LMCD1: variants seen among roughly 807,000 people sequenced by gnomAD.
LMCD1 encodes the protein LIM and cysteine rich domains 1.
LMCD1 carries 32 observed loss-of-function variants against 42.7 expected under a neutral mutation model. That is an observed-to-expected ratio of 0.75 (90% CI 0.57 to 1.01). LMCD1 has a LOEUF of 1.01. Ranked by LOEUF, LMCD1 falls within the 50% of genes least tolerant of loss-of-function variation. LMCD1 has a pLI of 0.00. For missense variants in LMCD1, 458 were observed against 483.1 expected, an observed-to-expected ratio of 0.95 and a Z score of 0.49; for synonymous variants, 178 against 184.9, an observed-to-expected ratio of 0.96 and a Z score of 0.30.
At chr3:8,510,914 GGCATTAGCA>G (rs1480176291) in intron 1 of LMCD1, among the ~76,000 whole-genome samples, 1 of 152,198 alleles carries the variant, frequency 6.6e-6, no homozygotes, top group Non-Finnish European at 1.5e-5. Context: ...ATCAAGCTGA[GGCATTAGCA>G]GCATTACACG....
At chr3:8,538,837 C>T (rs574295177) in intron 3 of LMCD1, among the ~76,000 whole-genome samples, 25 of 152,324 alleles carry the variant, frequency 1.6e-4, no homozygotes, top group Middle Eastern at 3.4e-3. Context: ...GCACCCAGGA[C>T]GGTGCAGGGT....
At chr3:8,518,242 A>T (rs962610622) in intron 1 of LMCD1, among the ~76,000 whole-genome samples, 2 of 152,228 alleles carry the variant, frequency 1.3e-5, no homozygotes, top group Non-Finnish European at 2.9e-5. Context: ...CCCAGACCAG[A>T]AATGCCATGG....
chr3:8,525,408 G>A (rs549098323), intron 1 of LMCD1, among the ~76,000 whole-genome samples: 1 of 152,134 alleles, frequency 6.6e-6, no homozygotes, highest in Admixed American at 6.5e-5. Context: ...TTGTGTGTGT[G>A]TGTGTTTGTG....
Position 8,567,508 on chromosome 3 carries a change from G to C in LMCD1, c.1008G>C (p.Glu336Asp), listed in dbSNP as rs772582149. 2.3e-5 allele frequency: 37 copies of C among 1,613,818 alleles called. No homozygotes were observed. The highest frequency in any genetic ancestry group is 3.1e-5 in the Non-Finnish European group (36 of 1,180,012). The change falls in exon 6 of 6, where the codon GAG (glutamate) becomes GAC (aspartate). Residue 336 changes from glutamate (E) to aspartate (D), a missense_variant. Physicochemically the swap from Glu to Asp is conservative, Grantham distance 45. Transcript: ENST00000157600. ...GGCACCGAAAGCACTTTGTCTGTGA[G>C]GGTTGTGAGCAGCTGCTGAGCGGCC... is the stretch of plus-strand genomic sequence containing the variant. ...LAWHRKHFVC[E>D]GCEQLLSGRA... is the part of the protein sequence containing the mutation.
At chr3:8,525,803 C>T (rs1476744808) in intron 1 of LMCD1, among the ~76,000 whole-genome samples, 2 of 152,158 alleles carry the variant, frequency 1.3e-5, no homozygotes, top group East Asian at 3.8e-4. Flanking sequence ...CTTGTCTGAA[C>T]ATTGGCATCC....
At chr3:8,534,690 T>C (rs1474882719) in intron 2 of LMCD1, among the ~76,000 whole-genome samples, 1 of 152,186 alleles carries the variant, frequency 6.6e-6, no homozygotes, top group African/African-American at 2.4e-5. Context: ...CAACTAATCA[T>C]CACAGGACAG....
intron 2 of LMCD1, 108 bp from the exon 3 acceptor site, chr3:8,537,077 C>G: frequency 7.6e-7 from 1 of 1,310,322 alleles, no homozygotes; most frequent in Non-Finnish European, 1.0e-6. Flanking sequence ...CTAGTTTTTC[C>G]AACTTAAAGT....
At position 8,568,673 on chromosome 3, in the gene LMCD1, C is replaced by G. The variant is rs988291584; in HGVS notation, c.*1075C>G. 2.0e-5 allele frequency: 3 copies of G among 152,168 alleles called. No homozygotes were observed. The highest frequency in any genetic ancestry group is 7.2e-5 in the African/African-American group (3 of 41,436). The allele number at this position is 152,168 out of a possible 1,614,324, so 9.4% of individuals were successfully genotyped here. ...TGCCAACTAAACATTGAATGAGTCACGTAGAATAGGTCTTTGGGCCAAATT... is the reference window on the plus strand; with the variant it reads ...TGCCAACTAAACATTGAATGAGTCAGGTAGAATAGGTCTTTGGGCCAAATT... On this transcript the variant is annotated 3_prime_UTR_variant, in exon 6 of 6. Coordinates refer to ENST00000157600, the MANE Select transcript of LMCD1 (RefSeq NM_014583.4).
rs2125042357 is a variant in LMCD1, at chr3:8,567,957, A to G, written c.*359A>G. On this transcript the variant is annotated 3_prime_UTR_variant, in exon 6 of 6. Transcript: ENST00000157600. ...GCAATTCCGAGTGAGCAAATCGCAT[A>G]GCTGTAGAATGTGCGTGCTTTTTTG... 1 of 162,860 alleles carries G rather than the reference A, an allele frequency of 6.1e-6. No homozygotes were observed. The highest frequency in any genetic ancestry group is 2.7e-3 in the Middle Eastern group (1 of 366). 10.1% of individuals were successfully genotyped at this position (162,860 alleles called of 1,614,324 possible). A position where few individuals can be genotyped will look rare whatever the true frequency, so the allele number is the denominator to read the frequency against.
intron 4 of LMCD1, chr3:8,549,784 A>G (rs1694806166): frequency 1.4e-6 from 1 of 701,976 alleles, no homozygotes; most frequent in African/African-American, 1.7e-5. Context: ...CTTCCTGGTG[A>G]GCACTCTCTG....
intron 1 of LMCD1, among the ~76,000 whole-genome samples, chr3:8,517,162 G>C (rs992772189): frequency 2.0e-5 from 3 of 152,200 alleles, no homozygotes; most frequent in Admixed American, 1.3e-4. Context: ...ATGAAAATCT[G>C]AAATGCTCTA....
chr3:8,563,536 A>G (rs1695077328), intron 4 of LMCD1, among the ~76,000 whole-genome samples: 1 of 152,242 alleles, frequency 6.6e-6, no homozygotes, highest in South Asian at 2.1e-4. Flanking sequence ...TGGAGAGAAC[A>G]GATATAAATT....
chr3:8,543,781 T>C (rs1489974707), intron 3 of LMCD1, among the ~76,000 whole-genome samples: 1 of 152,232 alleles, frequency 6.6e-6, no homozygotes, highest in East Asian at 1.9e-4. Context: ...TGCTCATTTC[T>C]AGGGCTCTCC....
chr3:8,564,393 T>C (rs2125040747), intron 4 of LMCD1, among the ~76,000 whole-genome samples: 1 of 152,132 alleles, frequency 6.6e-6, no homozygotes, highest in East Asian at 1.9e-4. Flanking sequence ...ACCTCAGTCT[T>C]CTGAGTAGCT....
intron 3 of LMCD1, 153 bp downstream of exon 3, chr3:8,537,593 T>C: frequency 3.7e-6 from 3 of 806,928 alleles, no homozygotes; most frequent in Non-Finnish European, 5.7e-6. Flanking sequence ...CCTTATATCA[T>C]GTGATGTTGA....
chr3:8,512,346 G>A (rs1369411064), intron 1 of LMCD1, among the ~76,000 whole-genome samples: 4 of 152,166 alleles, frequency 2.6e-5, no homozygotes, highest in Admixed American at 6.5e-5. Flanking sequence ...TAGAGCAGGC[G>A]ATGCACTGAA....
Position 8,574,196 on chromosome 3 carries a change from T to A in LMCD1, c.*6598T>A, listed in dbSNP as rs1298239305. 2 of 152,210 alleles carry A rather than the reference T, an allele frequency of 1.3e-5. No individual in the cohort carries two copies. The allele number at this position is 152,210 out of a possible 1,614,324, so 9.4% of individuals were successfully genotyped here. ...TTTCTGGAGCTTCCCAGGGGTAACT[T>A]TGATCAGCCAACAAGGGTCAGTCCT... On this transcript the variant is annotated 3_prime_UTR_variant, in exon 6 of 6. Coordinates refer to ENST00000157600, the MANE Select transcript of LMCD1 (RefSeq NM_014583.4).
chr3:8,540,720 A>G (rs1694606749), intron 3 of LMCD1, among the ~76,000 whole-genome samples: 1 of 152,226 alleles, frequency 6.6e-6, no homozygotes, highest in African/African-American at 2.4e-5. Context: ...GGAAGGAAAG[A>G]GGGAGAAGAC....
chr3:8,537,413 G>A lies in LMCD1; in HGVS notation c.360G>A (p.Trp120Ter), dbSNP rs767527849. The A allele has an allele frequency of 6.2e-7, 1 of 1,604,116 alleles. No homozygotes were observed. Among genetic ancestry groups the A allele is most frequent in the African/African-American group, 1.3e-5 (1 of 74,758 alleles). ...CTTTTGACACCATCACCTACGAGTG[G>A]GCTCCCCCTGGAGTCACCCAGAAAC... Reference protein sequence around the residue: ...DPTFDTITYEWAPPGVTQKLG... With the variant: ...DPTFDTITYE The change falls in exon 3 of 6, where the codon TGG becomes TGA. Residue 120 changes from tryptophan (W) to a stop codon, truncating the protein, a stop_gained. Transcript: ENST00000157600. LOFTEE classifies it high-confidence loss of function.
Sources: gnomAD v4.1 joint callset for allele counts (sites outside exome capture counted in the v4.1 genomes callset) on GRCh38, gnomAD v4.1.1 for gene constraint, MANE v1.5 for transcripts, NCBI Gene and HGNC (gene_info 2026-07-23, HGNC 2026-07-21) for gene names.